FAM135A: variants seen among roughly 807,000 people sequenced by gnomAD.
The protein encoded by FAM135A is family with sequence similarity 135 member A, also known as protein FAM135A.
In FAM135A, 79 loss-of-function variants were observed where a neutral mutation model predicts 146.8. That is an observed-to-expected ratio of 0.54 (90% CI 0.45 to 0.65). The LOEUF is 0.65. FAM135A is among the 30% of genes least tolerant of loss of function. FAM135A has a pLI of 0.00. For missense variants in FAM135A, 1,623 were observed against 1,758.2 expected, an observed-to-expected ratio of 0.92 and a Z score of 1.38; for synonymous variants, 562 against 603.6, an observed-to-expected ratio of 0.93 and a Z score of 1.01.
At chr6:70,484,732 G>A (rs906001939) in intron 10 of FAM135A, among the ~76,000 whole-genome samples, 2 of 152,234 alleles carry the variant, frequency 1.3e-5, no homozygotes, top group Non-Finnish European at 2.9e-5. Flanking sequence ...AGCTCAGGAA[G>A]CAGTGCTTGC....
Position 70,442,360 on chromosome 6 carries a change from A to T in FAM135A, c.78-10132A>T, listed in dbSNP as rs1217230387. On this transcript the variant is annotated intron_variant, in intron 4 of 21. Transcript: ENST00000418814. ...TTGCAATCAAGTAGATATACATTAA[A>T]TTTATTTGTTTTAGTGTTGTTTAGG... Among the ~76,000 whole-genome samples, 3 of 151,872 alleles carry T rather than the reference A, an allele frequency of 2.0e-5. No homozygotes were observed. The East Asian group carries it at 5.8e-4, about 29-fold the overall frequency.
In FAM135A at chr6:70,554,503, GGAAGA is replaced by G. The variant is rs548701573; in HGVS notation, c.4229-2242_4229-2238del. Among the ~76,000 whole-genome samples the G allele has an allele frequency of 3.1e-3, 474 of 152,282 alleles. 3 individuals carry two copies. Among genetic ancestry groups the G allele is most frequent in the African/African-American group, 0.011 (450 of 41,566 alleles). On this transcript the variant is annotated intron_variant, in intron 20 of 21. Transcript: ENST00000418814. Reference sequence around the variant, plus strand: ...AGGTTCAGTAAAGAACAGGAGGAAAGGAAGAGAAGGGAGACACGTAGAAAACTCAT... The same window carrying G: ...AGGTTCAGTAAAGAACAGGAGGAAAGGAAGGGAGACACGTAGAAAACTCAT...
At chr6:70,435,452 T>C (rs957826579) in intron 4 of FAM135A, among the ~76,000 whole-genome samples, 2 of 152,128 alleles carry the variant, frequency 1.3e-5, no homozygotes, top group African/African-American at 4.8e-5. Context: ...ACCATGGAAC[T>C]TAAATCCTTT....
intron 12 of FAM135A, among the ~76,000 whole-genome samples, chr6:70,506,841 T>G (rs1789890428): frequency 6.6e-6 from 1 of 151,768 alleles, no homozygotes; most frequent in Non-Finnish European, 1.5e-5. Context: ...ATAGTTCCAT[T>G]AAATTGTTCT....
chr6:70,499,843 G>A (rs1788089617), intron 11 of FAM135A, among the ~76,000 whole-genome samples: 1 of 152,138 alleles, frequency 6.6e-6, no homozygotes, highest in Non-Finnish European at 1.5e-5. Flanking sequence ...GCAGAGAGCT[G>A]TGCTATTATT....
chr6:70,506,141 G>A (rs924502056), intron 12 of FAM135A, among the ~76,000 whole-genome samples: 3 of 152,118 alleles, frequency 2.0e-5, no homozygotes, highest in Non-Finnish European at 4.4e-5. Flanking sequence ...CAGAAAGGTA[G>A]CCAGTTTTCA....
At chr6:70,455,974 C>G (rs762401889) in intron 5 of FAM135A, among the ~76,000 whole-genome samples, 1 of 152,146 alleles carries the variant, frequency 6.6e-6, no homozygotes, top group Non-Finnish European at 1.5e-5. Context: ...GTCTCAGCCT[C>G]CCAAGTAGCT....
rs552159049 is a variant in FAM135A at position 70,494,583 on chromosome 6, A to G, written c.873+3500A>G. ...AAGAGATCTTGCCAAACTTAATTCT[A>G]ATTTCCTTTTTTAATATAAAAAAGA... On this transcript the variant is annotated intron_variant, in intron 11 of 21. Coordinates refer to ENST00000418814, the MANE Select transcript of FAM135A (RefSeq NM_001162529.3). Among the ~76,000 whole-genome samples the G allele has an allele frequency of 7.9e-5, 12 of 152,060 alleles. 1 individual carries two copies. The South Asian group carries it at 2.1e-3, about 26-fold the overall frequency.
Position 70,526,437 on chromosome 6 carries a change from G to A in FAM135A, c.3353G>A (p.Ser1118Asn). Residue 1118 changes from serine (S) to asparagine (N), a missense_variant, in exon 15 of 22, where the codon AGC (serine) becomes AAC (asparagine). By Grantham distance (46) the Ser-to-Asn change is conservative. Around this residue, in one of 7 missense-constraint regions of FAM135A, gnomAD observed 1,061 missense variants for 1,113.8 expected, o/e 0.95. Coordinates refer to ENST00000418814, the MANE Select transcript of FAM135A (RefSeq NM_001162529.3). ...LDGTINAHYT[S>N]RDELMEERLT... ...GGAACAATAAATGCTCACTATACAA[G>A]CAGAGATGAACTAATGGAAGAAAGA... The A allele has an allele frequency of 4.3e-6, 7 of 1,613,476 alleles. No homozygotes were observed. The highest frequency in any genetic ancestry group is 5.9e-6 in the Non-Finnish European group (7 of 1,179,630).
intron 20 of FAM135A, among the ~76,000 whole-genome samples, chr6:70,552,798 G>A (rs889946939): frequency 4.6e-5 from 7 of 152,082 alleles, no homozygotes; most frequent in African/African-American, 1.7e-4. Flanking sequence ...ATAAAAAAGG[G>A]TAGGGAGAGA....
At chr6:70,531,954 C>T (rs1795903476) in intron 16 of FAM135A, among the ~76,000 whole-genome samples, 1 of 140,484 alleles carries the variant, frequency 7.1e-6, no homozygotes, top group African/African-American at 2.7e-5. Flanking sequence ...ACGATCTCGG[C>T]TCACTGCAAG....
chr6:70,539,927 C>T (rs545548766), intron 20 of FAM135A, among the ~76,000 whole-genome samples: 15 of 152,176 alleles, frequency 9.9e-5, no homozygotes, highest in Non-Finnish European at 1.9e-4. Context: ...ACCTGGGAGG[C>T]GGAGCTTGCA....
At chr6:70,462,370 G>A (rs962559738) in intron 5 of FAM135A, among the ~76,000 whole-genome samples, 1 of 152,140 alleles carries the variant, frequency 6.6e-6, no homozygotes, top group Non-Finnish European at 1.5e-5. Context: ...TCTGTAAAAT[G>A]TATATATTAA....
At chr6:70,432,904 A>C (rs1434658117) in intron 4 of FAM135A, among the ~76,000 whole-genome samples, 1 of 151,978 alleles carries the variant, frequency 6.6e-6, no homozygotes, top group African/African-American at 2.4e-5. Context: ...TTTTCTTTTT[A>C]ATTTGTCTGA....
intron 10 of FAM135A, among the ~76,000 whole-genome samples, chr6:70,487,560 G>A (rs1187153479): frequency 6.6e-6 from 1 of 152,144 alleles, no homozygotes; most frequent in Non-Finnish European, 1.5e-5. Flanking sequence ...TATTTGAGTT[G>A]TGTTAATTTT....
intron 11 of FAM135A, 25 bp downstream of exon 11, chr6:70,491,108 T>A (rs778264905): frequency 5.1e-6 from 8 of 1,568,900 alleles, no homozygotes; most frequent in Non-Finnish European, 6.1e-6. Context: ...TAAATTCACA[T>A]CATCAAGTTA....
chr6:70,521,672 T>C (rs959567905), intron 12 of FAM135A, among the ~76,000 whole-genome samples: 2 of 152,224 alleles, frequency 1.3e-5, no homozygotes, highest in African/African-American at 4.8e-5. Flanking sequence ...AGATGTAATA[T>C]AATTTCTCCT....
intron 11 of FAM135A, among the ~76,000 whole-genome samples, chr6:70,497,818 T>G (rs1015491843): frequency 1.3e-5 from 2 of 152,236 alleles, no homozygotes; most frequent in African/African-American, 2.4e-5. Context: ...ATCTCAGGGA[T>G]GAAGCCTACT....
At position 70,533,707 on chromosome 6, in the gene FAM135A, T is replaced by A. The variant is rs780140262; in HGVS notation, c.3868-50T>A. On this transcript the variant is annotated intron_variant, in intron 17 of 21. Transcript: ENST00000418814. ...ATGTTTATATTGTTAGTTTTTCATG[T>A]GATTATACATATTCCCAAATATAAT... 33 of 1,080,684 alleles carry A rather than the reference T, an allele frequency of 3.1e-5. No individual in the cohort carries two copies. In the South Asian group the frequency reaches 4.8e-4, roughly 16 times the overall value. The allele number at this position is 1,080,684 out of a possible 1,614,324, so 66.9% of individuals were successfully genotyped here.
Sources: allele counts gnomAD v4.1 joint callset (sites outside exome capture counted in the v4.1 genomes callset), GRCh38; gene constraint gnomAD v4.1.1; regional missense constraint gnomAD v4.1.1; transcripts MANE v1.5; gene names NCBI Gene and HGNC (gene_info 2026-07-23, HGNC 2026-07-21).